The following MDN1 variants were observed in gnomAD, a reference collection of about 807,000 sequenced individuals.
The protein encoded by MDN1 is midasin.
In MDN1, 266 loss-of-function variants were observed where a neutral mutation model predicts 669.2. The observed-to-expected ratio is 0.40, with a 90% confidence interval of 0.36 to 0.44. The LOEUF (loss-of-function observed/expected upper bound fraction) is 0.44, where lower values mean the gene tolerates loss of function less well. Ranked by LOEUF, MDN1 falls within the 20% of genes least tolerant of loss-of-function variation. The probability of loss-of-function intolerance (pLI) is 1.00; values close to 1 mark genes in which losing one functional copy is unlikely to be tolerated. For synonymous variants in MDN1, 2,385 were observed against 2,457.1 expected, an observed-to-expected ratio of 0.97 and a Z score of 0.87; for missense variants, 5,940 against 6,754.0, an observed-to-expected ratio of 0.88 and a Z score of 4.22.
intron 67 of MDN1, 99 bp from the exon 68 acceptor site, chr6:89,687,537 TG>T (rs1325096569): frequency 2.1e-6 from 2 of 961,622 alleles, no homozygotes; most frequent in African/African-American, 3.3e-5. Context: ...TGAAGACTAC[TG>T]GGCCCTTAAA....
At chr6:89,757,298 G>T (rs1268627720) in intron 19 of MDN1, among the ~76,000 whole-genome samples, 1 of 152,170 alleles carries the variant, frequency 6.6e-6, no homozygotes, top group Non-Finnish European at 1.5e-5. Context: ...AACTTTAAAG[G>T]CCTTTTCAAA....
chr6:89,773,378 A>G (rs974081580), intron 13 of MDN1, among the ~76,000 whole-genome samples: 10 of 151,864 alleles, frequency 6.6e-5, no homozygotes, highest in Non-Finnish European at 1.0e-4. Context: ...CATCTCTACT[A>G]AAAATACAAA....
intron 38 of MDN1, among the ~76,000 whole-genome samples, chr6:89,724,433 C>G (rs1815066768): frequency 6.6e-6 from 1 of 152,132 alleles, no homozygotes; most frequent in African/African-American, 2.4e-5. Context: ...CAGGCACCTG[C>G]CACCACACCC....
In MDN1 at chr6:89,677,802, G is replaced by A. The variant is rs181175164; in HGVS notation, c.12413-106C>T. ...CAAAGTCTTCTAAACAGCATCACCTGAGAGCTTGTTAGAAATGCAGACTCT... is the reference window on the plus strand; with the variant it reads ...CAAAGTCTTCTAAACAGCATCACCTAAGAGCTTGTTAGAAATGCAGACTCT... On this transcript the variant is annotated intron_variant, in intron 75 of 101. Transcript: ENST00000369393. 507 of 1,453,602 alleles carry A rather than the reference G, an allele frequency of 3.5e-4. 1 individual carries two copies. Among genetic ancestry groups the A allele is most frequent in the Admixed American group, 4.8e-4 (25 of 52,368 alleles). 90.0% of individuals were successfully genotyped at this position (1,453,602 alleles called of 1,614,324 possible). A position where few individuals can be genotyped will look rare whatever the true frequency, so the allele number is the denominator to read the frequency against.
chr6:89,744,827 G>A (rs973195204), intron 29 of MDN1, among the ~76,000 whole-genome samples: 1 of 150,068 alleles, frequency 6.7e-6, no homozygotes, highest in Admixed American at 6.6e-5. Flanking sequence ...AGGCTGCAGT[G>A]AGCCGTATCG....
chr6:89,676,879 T>A (rs949956195), intron 76 of MDN1, among the ~76,000 whole-genome samples: 1 of 152,172 alleles, frequency 6.6e-6, no homozygotes, highest in South Asian at 2.1e-4. Context: ...CAATAGTGTA[T>A]GGACTCGCAA....
chr6:89,650,068 C>G lies in MDN1; in HGVS notation c.16162G>C (p.Ala5388Pro). The G allele has an allele frequency of 6.2e-7, 1 of 1,614,102 alleles. No homozygotes were observed. The highest frequency in any genetic ancestry group is 8.5e-7 in the Non-Finnish European group (1 of 1,180,022). The change falls in exon 97 of 102, where the codon GCT becomes CCT. Residue 5388 changes from alanine (A) to proline (P), a missense_variant. Physicochemically the swap from Ala to Pro is conservative, Grantham distance 27. Coordinates refer to ENST00000369393, the MANE Select transcript of MDN1 (RefSeq NM_014611.3). ...ACCATACTAGAAGAGTCATCGATAG[C>G]CAAACAAATCTGATACTGGCGTTTA... ...PSKRQYQICLAIDDSSSMVDN... is the reference protein window; with the variant it reads ...PSKRQYQICLPIDDSSSMVDN...
chr6:89,754,162 T>C lies in MDN1; in HGVS notation c.2885A>G (p.Tyr962Cys), dbSNP rs199985023. The change falls in exon 21 of 102, where the codon TAC (tyrosine) becomes TGC (cysteine). Residue 962 changes from tyrosine (Y) to cysteine (C), a missense_variant. Tyr to Cys is a radical substitution (Grantham distance 194). This residue lies in a region of MDN1 where 1,203 missense variants were observed against 1,268.9 expected (regional missense o/e 0.95). Coordinates refer to ENST00000369393, the MANE Select transcript of MDN1 (RefSeq NM_014611.3). Reference sequence around the variant, plus strand: ...GGCCCGGCACAGAGTCCGAAGGCTGTAGTGAGGTCTATGGCCAGTGCCATC... The same window carrying C: ...GGCCCGGCACAGAGTCCGAAGGCTGCAGTGAGGTCTATGGCCAGTGCCATC... Reference protein sequence around the residue: ...LVDGTGHRPHYSLRTLCRALR... With the variant: ...LVDGTGHRPHCSLRTLCRALR... 1.4e-4 allele frequency: 228 copies of C among 1,613,982 alleles called. No homozygotes were observed. Among genetic ancestry groups the C allele is most frequent in the Non-Finnish European group, 1.9e-4 (219 of 1,179,992 alleles).
chr6:89,809,896 G>A (rs57702052), intron 1 of MDN1, among the ~76,000 whole-genome samples: 20,595 of 147,258 alleles, frequency 0.14, 1,581 homozygotes, highest in East Asian at 0.22. Flanking sequence ...GGCTAGAGTT[G>A]GGGGAAATCA....
chr6:89,666,140 G>A (rs1420840620), intron 84 of MDN1, among the ~76,000 whole-genome samples: 2 of 152,172 alleles, frequency 1.3e-5, no homozygotes, highest in Admixed American at 1.3e-4. Context: ...GTGAACCTTT[G>A]ACTTTTTTCT....
intron 33 of MDN1, among the ~76,000 whole-genome samples, chr6:89,736,145 A>G (rs777709712): frequency 2.6e-5 from 4 of 152,218 alleles, no homozygotes; most frequent in Non-Finnish European, 5.9e-5. Flanking sequence ...AGAAAATATA[A>G]CTGCTGTGAA....
chr6:89,649,031 T>A (rs1000541674), intron 97 of MDN1, among the ~76,000 whole-genome samples: 1 of 151,282 alleles, frequency 6.6e-6, no homozygotes, highest in African/African-American at 2.4e-5. Context: ...TTGAGAAATA[T>A]GGTCCATGAA....
At chr6:89,813,628 G>A (rs1440344980) in intron 1 of MDN1, among the ~76,000 whole-genome samples, 1 of 151,880 alleles carries the variant, frequency 6.6e-6, no homozygotes, top group African/African-American at 2.4e-5. Context: ...CTACTCAGAA[G>A]GATGAGGTGG....
intron 81 of MDN1, 74 bp from the exon 82 acceptor site, chr6:89,672,437 A>C: frequency 6.3e-7 from 1 of 1,593,964 alleles, no homozygotes; most frequent in Non-Finnish European, 8.5e-7. Context: ...CTATCCATGC[A>C]GTTATCTGTT....
chr6:89,776,590 GCA>G lies in MDN1; in HGVS notation c.1821+8_1821+9del, dbSNP rs1359412700. The G allele has an allele frequency of 6.3e-7, 1 of 1,594,300 alleles. No homozygotes were observed. The highest frequency in any genetic ancestry group is 1.1e-5 in the South Asian group (1 of 89,674). ...CTTTCAACAGGGAAGTAAAAAAACA[GCA>G]CACATACCTTTTTTCTAGAAATGTT... On this transcript the variant is annotated splice_region_variant and intron_variant, in intron 12 of 101. Transcript: ENST00000369393.
At chr6:89,674,806 C>G (rs953623348) in intron 78 of MDN1, among the ~76,000 whole-genome samples, 5 of 152,146 alleles carry the variant, frequency 3.3e-5, no homozygotes, top group African/African-American at 1.2e-4. Flanking sequence ...ACAACACAAC[C>G]ACACCACTAC....
chr6:89,672,438 G>A, intron 81 of MDN1, 75 bp from the exon 82 acceptor site: 2 of 1,593,868 alleles, frequency 1.3e-6, no homozygotes, highest in Non-Finnish European at 1.7e-6. Flanking sequence ...TATCCATGCA[G>A]TTATCTGTTT....
At chr6:89,658,577 T>G in intron 89 of MDN1, 33 bp downstream of exon 89, 1 of 1,579,738 alleles carries the variant, frequency 6.3e-7, no homozygotes, top group Non-Finnish European at 8.6e-7. Context: ...TCCTCATTAT[T>G]TTTAACATAA....
chr6:89,803,353 T>C lies in MDN1; in HGVS notation c.304A>G (p.Ile102Val). 1 of 1,614,148 alleles carries C rather than the reference T, an allele frequency of 6.2e-7. No individual in the cohort carries two copies. The highest frequency in any genetic ancestry group is 8.5e-7 in the Non-Finnish European group (1 of 1,180,006). Reference sequence around the variant, plus strand: ...GGGAGGACATCAGGATGGTTACCAATGAGTTTGCTCATCGACACACATAGC... The same window carrying C: ...GGGAGGACATCAGGATGGTTACCAACGAGTTTGCTCATCGACACACATAGC... ...ERLCVSMSKL[I>V]GNHPDVLPFA... Residue 102 changes from isoleucine (I) to valine (V), a missense_variant, in exon 2 of 102, where the codon ATT becomes GTT. Ile to Val is a conservative substitution (Grantham distance 29). This residue lies in a region of MDN1 where 1,203 missense variants were observed against 1,268.9 expected (regional missense o/e 0.95). Coordinates refer to ENST00000369393, the MANE Select transcript of MDN1 (RefSeq NM_014611.3).
Sources: allele counts gnomAD v4.1 joint callset (sites outside exome capture counted in the v4.1 genomes callset), GRCh38; gene constraint gnomAD v4.1.1; regional missense constraint gnomAD v4.1.1; transcripts MANE v1.5; gene names NCBI Gene and HGNC (gene_info 2026-07-23, HGNC 2026-07-21).